GLIPR1L1: variants seen among roughly 807,000 people sequenced by gnomAD.
GLIPR1L1 encodes the protein GLIPR1 like 1.
Under a neutral mutation model 29.9 loss-of-function variants are expected in GLIPR1L1, and 26 were observed. That is an observed-to-expected ratio of 0.87 (90% confidence interval 0.64 to 1.21). The LOEUF is 1.21. Ranked by LOEUF, GLIPR1L1 falls within the 50% of genes most tolerant of loss-of-function variation. GLIPR1L1 has a pLI of 0.00. For missense variants in GLIPR1L1, 305 were observed against 290.3 expected (o/e 1.05, Z -0.37); for synonymous variants, 77 against 97.5 (o/e 0.79, Z 1.24).
chr12:75,337,655 C>T (rs553956574), intron 1 of GLIPR1L1, among the ~76,000 whole-genome samples: 2 of 152,016 alleles, frequency 1.3e-5, no homozygotes, highest in South Asian at 4.1e-4. Flanking sequence ...AAACTACCTA[C>T]CTCAAGATTG....
intron 4 of GLIPR1L1, among the ~76,000 whole-genome samples, chr12:75,364,540 T>C (rs1415774150): frequency 6.6e-6 from 1 of 152,222 alleles, no homozygotes; most frequent in East Asian, 1.9e-4. Context: ...CAGATGGGAA[T>C]GGACATAGAC....
intron 3 of GLIPR1L1, among the ~76,000 whole-genome samples, chr12:75,358,746 T>TATATATAAAACA (rs2043324848): frequency 7.4e-6 from 1 of 135,644 alleles, no homozygotes; most frequent in Non-Finnish European, 1.6e-5. Context: ...ATGGTTTAAA[T>TATATATAAAACA]ATATATAATA....
chr12:75,335,945 G>T (rs963040276), intron 1 of GLIPR1L1, among the ~76,000 whole-genome samples: 1 of 151,802 alleles, frequency 6.6e-6, no homozygotes, highest in African/African-American at 2.4e-5. Flanking sequence ...TAAATGTGGG[G>T]TTAAATATAA....
chr12:75,366,135 A>C (rs1218110836), intron 4 of GLIPR1L1, among the ~76,000 whole-genome samples: 3 of 152,156 alleles, frequency 2.0e-5, no homozygotes, highest in Admixed American at 2.0e-4. Context: ...TGGGCTTATT[A>C]TTTTACTTAA....
At chr12:75,368,102 T>C (rs2044110680) in intron 4 of GLIPR1L1, among the ~76,000 whole-genome samples, 1 of 152,072 alleles carries the variant, frequency 6.6e-6, no homozygotes, top group Admixed American at 6.6e-5. Flanking sequence ...GTTTCTAATA[T>C]AACACAGCTA....
chr12:75,370,497 T>G lies in GLIPR1L1; in HGVS notation c.*321T>G, dbSNP rs1268010065. 5.6e-6 allele frequency: 1 copy of G among 178,908 alleles called. No individual in the cohort carries two copies. Among genetic ancestry groups the G allele is most frequent in the East Asian group, 1.4e-4 (1 of 7,298 alleles). 11.1% of individuals were successfully genotyped at this position (178,908 alleles called of 1,614,324 possible). A position where few individuals can be genotyped will look rare whatever the true frequency, so the allele number is the denominator to read the frequency against. On this transcript the variant is annotated 3_prime_UTR_variant, in exon 6 of 6. Coordinates refer to ENST00000378695, the MANE Select transcript of GLIPR1L1 (RefSeq NM_001304964.2). ...AACTAAAGACTTTTCACATATCAAA[T>G]AGTTTCCTTAGATACCAATAGTTTC...
intron 1 of GLIPR1L1, among the ~76,000 whole-genome samples, chr12:75,335,118 G>A (rs1328608698): frequency 6.6e-6 from 1 of 152,168 alleles, no homozygotes; most frequent in Admixed American, 6.5e-5. Context: ...CCTCTTGCGG[G>A]GAAGGTGGGG....
intron 4 of GLIPR1L1, among the ~76,000 whole-genome samples, chr12:75,367,836 T>C (rs77195671): frequency 2.6e-4 from 40 of 152,284 alleles, no homozygotes; most frequent in East Asian, 2.1e-3. Flanking sequence ...CAGTGCAATG[T>C]TGAGCATAAG....
At chr12:75,353,603 C>A (rs1021244047) in intron 3 of GLIPR1L1, among the ~76,000 whole-genome samples, 3 of 152,122 alleles carry the variant, frequency 2.0e-5, no homozygotes, top group Non-Finnish European at 2.9e-5. Flanking sequence ...TGAAAATATT[C>A]CAAACAACTG....
At chr12:75,357,314 C>T (rs566843780) in intron 3 of GLIPR1L1, among the ~76,000 whole-genome samples, 32 of 152,186 alleles carry the variant, frequency 2.1e-4, no homozygotes, top group Non-Finnish European at 4.1e-4. Context: ...ATCAAGAGAA[C>T]ATAAGAGTCC....
chr12:75,367,318 C>T (rs1303869004), intron 4 of GLIPR1L1, among the ~76,000 whole-genome samples: 1 of 146,016 alleles, frequency 6.8e-6, no homozygotes, highest in Non-Finnish European at 1.5e-5. Context: ...CGTAGTAACA[C>T]TTAGCTTAAA....
chr12:75,362,384 T>C (rs1361817227), intron 3 of GLIPR1L1, among the ~76,000 whole-genome samples: 1 of 152,184 alleles, frequency 6.6e-6, no homozygotes, highest in Non-Finnish European at 1.5e-5. Context: ...GCCATGGTAT[T>C]CTCATGCACT....
At chr12:75,343,256 G>C in intron 1 of GLIPR1L1, among the ~76,000 whole-genome samples, 1 of 151,824 alleles carries the variant, frequency 6.6e-6, no homozygotes, top group East Asian at 1.9e-4. Flanking sequence ...TAAGATTTTT[G>C]TCTGTTTGTT....
intron 4 of GLIPR1L1, among the ~76,000 whole-genome samples, chr12:75,365,474 C>A (rs2043902594): frequency 6.6e-6 from 1 of 152,062 alleles, no homozygotes; most frequent in African/African-American, 2.4e-5. Context: ...ATTCCTTTTA[C>A]CTTCTTTTGC....
At chr12:75,356,180 G>T (rs940109000) in intron 3 of GLIPR1L1, among the ~76,000 whole-genome samples, 4 of 151,968 alleles carry the variant, frequency 2.6e-5, no homozygotes, top group Non-Finnish European at 5.9e-5. Context: ...GAAAAGAGAT[G>T]CCAGCAGATT....
intron 2 of GLIPR1L1, among the ~76,000 whole-genome samples, chr12:75,346,022 T>C (rs1197376311): frequency 6.6e-6 from 1 of 152,220 alleles, no homozygotes; most frequent in Non-Finnish European, 1.5e-5. Context: ...CTTGCACTTA[T>C]CACCTACTGA....
Position 75,350,104 on chromosome 12 carries a change from G to T in GLIPR1L1, c.521+2382G>T, listed in dbSNP as rs544385803. ...ACCAGGAGAAATTCCCCACAGCACA[G>T]CACAGCCACTGTGACAGTTTGTGGC... On this transcript the variant is annotated intron_variant, in intron 3 of 5. Transcript: ENST00000378695. Among the ~76,000 whole-genome samples, 24 of 152,342 alleles carry T rather than the reference G, an allele frequency of 1.6e-4. No homozygotes were observed. The South Asian group carries it at 5.0e-3, about 32-fold the overall frequency.
intron 2 of GLIPR1L1, 54 bp downstream of exon 2, chr12:75,343,992 C>A: frequency 7.0e-7 from 1 of 1,426,486 alleles, no homozygotes; most frequent in Non-Finnish European, 9.5e-7. Flanking sequence ...ATTTTAATTG[C>A]CAGAATTTAT....
chr12:75,338,727 A>G (rs753358267), intron 1 of GLIPR1L1, among the ~76,000 whole-genome samples: 5 of 152,068 alleles, frequency 3.3e-5, no homozygotes, highest in African/African-American at 4.8e-5. Flanking sequence ...TCTATTAGCT[A>G]TTCTTCCTGA....
Sources: allele counts gnomAD v4.1 joint callset (sites outside exome capture counted in the v4.1 genomes callset), GRCh38; gene constraint gnomAD v4.1.1; transcripts MANE v1.5; gene names NCBI Gene and HGNC (gene_info 2026-07-23, HGNC 2026-07-21).